Variants in SLC25A36 observed in about 807,000 individuals in gnomAD.
SLC25A36 encodes the protein solute carrier family 25 member 36.
SLC25A36 carries 24 observed loss-of-function variants against 35.3 expected under a neutral mutation model. That is an observed-to-expected ratio of 0.68 (90% CI 0.49 to 0.96). The LOEUF is 0.96. Among genes scored for constraint, SLC25A36 ranks in the 40% least tolerant of loss-of-function variants. SLC25A36 has a pLI of 0.00. For missense variants in SLC25A36, 294 were observed against 381.1 expected (o/e 0.77, Z 1.90); for synonymous variants, 141 against 132.2 (o/e 1.07, Z -0.46).
At chr3:140,966,810 C>T in intron 4 of SLC25A36, 1 of 382,446 alleles carries the variant, frequency 2.6e-6, no homozygotes. Context: ...TTAAAATTTT[C>T]AAAAAAGTTA....
intron 6 of SLC25A36, among the ~76,000 whole-genome samples, chr3:140,974,365 T>A (rs1199583101): frequency 1.3e-5 from 2 of 152,072 alleles, no homozygotes; most frequent in Non-Finnish European, 2.9e-5. Context: ...AAAGTACTTA[T>A]TTTCCCTGTT....
chr3:140,973,247 G>A (rs1934951449), intron 5 of SLC25A36: 1 of 152,182 alleles, frequency 6.6e-6, no homozygotes, highest in Non-Finnish European at 1.5e-5. Context: ...CAGAATTTTA[G>A]TTAATCATAC....
intron 4 of SLC25A36, chr3:140,965,570 A>G (rs1934738681): frequency 6.6e-6 from 1 of 151,850 alleles, no homozygotes; most frequent in Non-Finnish European, 1.5e-5. Flanking sequence ...ATATGAACTC[A>G]TGTTTAATTT....
chr3:140,968,247 C>G, intron 4 of SLC25A36: 1 of 946,674 alleles, frequency 1.1e-6, no homozygotes, highest in Non-Finnish European at 1.3e-6. Context: ...GCATAAAACT[C>G]AAGGACCTGA....
chr3:140,969,854 A>G (rs905655801), intron 4 of SLC25A36, among the ~76,000 whole-genome samples: 5 of 151,924 alleles, frequency 3.3e-5, no homozygotes, highest in African/African-American at 1.2e-4. Context: ...CCTTTATAAA[A>G]AGAATGTGCC....
chr3:140,961,724 C>T (rs558594272), intron 3 of SLC25A36, among the ~76,000 whole-genome samples: 16 of 151,606 alleles, frequency 1.1e-4, no homozygotes, highest in African/African-American at 1.9e-4. Context: ...GGTGTGGTGG[C>T]GGTCGCCTGT....
At chr3:140,964,424 C>T (rs1934709577) in intron 4 of SLC25A36, 1 of 151,838 alleles carries the variant, frequency 6.6e-6, no homozygotes, top group South Asian at 2.1e-4. Flanking sequence ...TCTTAGCTTA[C>T]CCATGGAATG....
rs1935082215 is a variant in SLC25A36, at chr3:140,977,628, T to TAA, written c.*1176_*1177dup. On this transcript the variant is annotated 3_prime_UTR_variant, in exon 7 of 7. Transcript: ENST00000324194. ...TCAAGTTCATTTGGGTTAAATGTGC[T>TAA]AATAGGATGTAGCTTTTAAATTCTG... 1.3e-5 allele frequency: 2 copies of TAA among 152,214 alleles called. No homozygotes were observed. The highest frequency in any genetic ancestry group is 4.8e-5 in the African/African-American group (2 of 41,456). 9.4% of individuals were successfully genotyped at this position (152,214 alleles called of 1,614,324 possible).
chr3:140,963,118 C>T lies in SLC25A36; in HGVS notation c.285-9C>T. On this transcript the variant is annotated splice_polypyrimidine_tract_variant and intron_variant, in intron 3 of 6. Transcript: ENST00000324194. ...CATGCTTATTGATAAATCTAAATCT[C>T]TATTTTAGAGCAATATACTTTGCTG... 1 of 1,515,982 alleles carries T rather than the reference C, an allele frequency of 6.6e-7. No homozygotes were observed. The highest frequency in any genetic ancestry group is 8.9e-7 in the Non-Finnish European group (1 of 1,126,918). 93.9% of individuals were successfully genotyped at this position (1,515,982 alleles called of 1,614,324 possible).
intron 4 of SLC25A36, chr3:140,967,812 T>C (rs1263723357): frequency 5.2e-6 from 1 of 193,234 alleles, no homozygotes; most frequent in Non-Finnish European, 9.5e-6. Context: ...GCCAATATAT[T>C]GGCACTTTGC....
At chr3:140,949,268 G>A (rs1934252434) in intron 1 of SLC25A36, among the ~76,000 whole-genome samples, 1 of 152,068 alleles carries the variant, frequency 6.6e-6, no homozygotes, top group African/African-American at 2.4e-5. Context: ...AAAGTTCTTA[G>A]ACAGTTAAAC....
intron 1 of SLC25A36, among the ~76,000 whole-genome samples, chr3:140,947,451 C>T (rs1392476170): frequency 6.6e-6 from 1 of 151,940 alleles, no homozygotes; most frequent in African/African-American, 2.4e-5. Context: ...CAACAAAGGC[C>T]TTTTTCTTTC....
chr3:140,964,697 TAATTATAAAGAAA>T (rs1252684408), intron 4 of SLC25A36: 1 of 151,860 alleles, frequency 6.6e-6, no homozygotes, highest in Non-Finnish European at 1.5e-5. Context: ...TAACCTCAGA[TAATTATAAAGAAA>T]TGTTAATCTT....
Position 140,979,598 on chromosome 3 carries a change from C to T in SLC25A36, c.*3145C>T, listed in dbSNP as rs1016755477. On this transcript the variant is annotated 3_prime_UTR_variant, in exon 7 of 7. Transcript: ENST00000324194. The stretch of plus-strand genomic sequence containing the variant: ...TAAAATACAATGTACAAACTTTCTG[C>T]CCACTCAGATCTCTTCTCCATCATG... 1.3e-5 allele frequency: 2 copies of T among 152,156 alleles called. No individual in the cohort carries two copies. The highest frequency in any genetic ancestry group is 1.3e-4 in the Admixed American group (2 of 15,276). 9.4% of individuals were successfully genotyped at this position (152,156 alleles called of 1,614,324 possible).
intron 4 of SLC25A36, chr3:140,968,773 T>TAAA: frequency 1.7e-5 from 12 of 720,130 alleles, no homozygotes; most frequent in African/African-American, 2.0e-5. Flanking sequence ...AACTTTTATT[T>TAAA]AAAAAAAAAA....
At chr3:140,946,865 A>C (rs1212490987) in intron 1 of SLC25A36, among the ~76,000 whole-genome samples, 1 of 152,264 alleles carries the variant, frequency 6.6e-6, no homozygotes, top group African/African-American at 2.4e-5. Context: ...AGGAAAGAGG[A>C]TTGGACTAGG....
rs113464694 is a variant in SLC25A36, at chr3:140,973,975, A to G, written c.712A>G (p.Thr238Ala). The change falls in exon 6 of 7, where the codon ACT becomes GCT. Residue 238 changes from threonine to alanine, a missense_variant. By Grantham distance (58) the Thr-to-Ala change is moderately conservative. Coordinates refer to ENST00000324194, the MANE Select transcript of SLC25A36 (RefSeq NM_001104647.3). ...GATGCTAGCTGCTGCCACCTCAAAA[A>G]CTTGTGCCACAACTATAGCATATCC... ...GMMLAAATSK[T>A]CATTIAYPHE... 10 of 1,583,554 alleles carry G rather than the reference A, an allele frequency of 6.3e-6. No homozygotes were observed. The highest frequency in any genetic ancestry group is 7.7e-6 in the Non-Finnish European group (9 of 1,161,304).
intron 3 of SLC25A36, 66 bp from the exon 4 acceptor site, chr3:140,963,061 T>A (rs1934670707): frequency 1.0e-6 from 1 of 987,680 alleles, no homozygotes; most frequent in Non-Finnish European, 1.5e-6. Context: ...ATTATGAAGA[T>A]CAATTTATAT....
At chr3:140,968,896 T>C (rs1934832544) in intron 4 of SLC25A36, among the ~76,000 whole-genome samples, 2 of 151,790 alleles carry the variant, frequency 1.3e-5, no homozygotes, top group Admixed American at 1.3e-4. Flanking sequence ...GTTTTAAGCT[T>C]TTAAAATTCA....
Sources: gnomAD v4.1 joint callset for allele counts (sites outside exome capture counted in the v4.1 genomes callset) on GRCh38, gnomAD v4.1.1 for gene constraint, MANE v1.5 for transcripts, NCBI Gene and HGNC (gene_info 2026-07-23, HGNC 2026-07-21) for gene names.